The following RAD21 variants were observed in gnomAD, a reference collection of about 807,000 sequenced individuals.
RAD21 encodes the protein double-strand-break repair protein rad21 homolog.
In RAD21, 18 loss-of-function variants were observed where a neutral mutation model predicts 71.5. The observed-to-expected ratio is 0.25, with a 90% CI of 0.17 to 0.37. RAD21 has a LOEUF of 0.37. Ranked by LOEUF, RAD21 falls within the 10% of genes least tolerant of loss-of-function variation. The probability of loss-of-function intolerance (pLI) is 1.00; values close to 1 mark genes in which losing one functional copy is unlikely to be tolerated. For synonymous variants in RAD21, 248 were observed against 254.0 expected, an observed-to-expected ratio of 0.98 and a Z score of 0.22; for missense variants, 493 against 769.1, an observed-to-expected ratio of 0.64 and a Z score of 4.25.
intron 1 of RAD21, 133 bp from the exon 2 acceptor site, chr8:116,866,894 G>A: frequency 1.9e-6 from 1 of 518,068 alleles, no homozygotes; most frequent in Non-Finnish European, 3.0e-6. Context: ...TGTTTAATAT[G>A]TATTTTAAAA....
chr8:116,854,566 C>T, intron 8 of RAD21, 98 bp from the exon 9 acceptor site: 1 of 875,144 alleles, frequency 1.1e-6, no homozygotes, highest in Non-Finnish European at 1.8e-6. Flanking sequence ...TGCTTTTCTA[C>T]ACACAGACTC....
intron 9 of RAD21, 121 bp from the exon 10 acceptor site, chr8:116,852,829 C>T: frequency 1.5e-6 from 1 of 658,600 alleles, no homozygotes; most frequent in Non-Finnish European, 2.2e-6. Context: ...TTTAGCATGG[C>T]TTTTATCATA....
chr8:116,870,180 C>G (rs866689929), intron 1 of RAD21, among the ~76,000 whole-genome samples: 1 of 152,098 alleles, frequency 6.6e-6, no homozygotes, highest in Non-Finnish European at 1.5e-5. Flanking sequence ...AAAAACCAGG[C>G]TTTGTCAACT....
chr8:116,862,248 CA>C (rs1400830380), intron 3 of RAD21, among the ~76,000 whole-genome samples: 1 of 151,980 alleles, frequency 6.6e-6, no homozygotes, highest in Admixed American at 6.6e-5. Context: ...AGAATAACTG[CA>C]GAAGAGTACC....
At chr8:116,863,098 C>G (rs757030829) in intron 3 of RAD21, 32 bp downstream of exon 3, 1 of 1,577,998 alleles carries the variant, frequency 6.3e-7, no homozygotes, top group Non-Finnish European at 8.6e-7. Flanking sequence ...AAGTAAACAA[C>G]AACAACAAAA....
intron 7 of RAD21, 69 bp from the exon 8 acceptor site, chr8:116,856,357 G>A: frequency 7.4e-7 from 1 of 1,352,748 alleles, no homozygotes; most frequent in Non-Finnish European, 9.6e-7. Context: ...CCCACAAATG[G>A]GGAGGAGAAA....
Position 116,848,761 on chromosome 8 carries a change from T to TAAA in RAD21, c.1704+182_1704+184dup, listed in dbSNP as rs56668650. On this transcript the variant is annotated intron_variant, in intron 13 of 13. Coordinates refer to ENST00000297338, the MANE Select transcript of RAD21 (RefSeq NM_006265.3). Reference sequence around the variant, plus strand: ...TATTTAATTAAAACTTAAACTATAATAAAAAAAAAAAAGAAAAGAAAACTC... The same window carrying TAAA: ...TATTTAATTAAAACTTAAACTATAATAAAAAAAAAAAAAAAGAAAAGAAAACTC... 644 of 362,426 alleles carry TAAA rather than the reference T, an allele frequency of 1.8e-3. 1 individual carries two copies. Among genetic ancestry groups the TAAA allele is most frequent in the African/African-American group, 6.7e-3 (293 of 43,952 alleles). The allele number at this position is 362,426 out of a possible 1,614,324, so 22.5% of individuals were successfully genotyped here.
chr8:116,866,474 G>C (rs1812696700), intron 2 of RAD21, 112 bp downstream of exon 2: 3 of 889,094 alleles, frequency 3.4e-6, no homozygotes, highest in Non-Finnish European at 4.9e-6. Flanking sequence ...ACATTTCTAA[G>C]GATTTTCCTT....
At chr8:116,852,466 C>T in intron 10 of RAD21, 83 bp downstream of exon 10, 1 of 1,353,954 alleles carries the variant, frequency 7.4e-7, no homozygotes, top group Non-Finnish European at 1.0e-6. Flanking sequence ...TTCCTCATTT[C>T]TTTCACTCTG....
intron 7 of RAD21, among the ~76,000 whole-genome samples, 172 bp downstream of exon 7, chr8:116,856,474 G>A (rs1812469081): frequency 6.6e-6 from 1 of 152,042 alleles, no homozygotes; most frequent in Admixed American, 6.6e-5. Flanking sequence ...CAAAAAAATG[G>A]GGAGGGGTGC....
Position 116,847,144 on chromosome 8 carries a change from T to G in RAD21, c.*356A>C, listed in dbSNP as rs1375877360. On this transcript the variant is annotated 3_prime_UTR_variant, in exon 14 of 14. Transcript: ENST00000297338. ...CTGTCAGGCATTTTCTCAGACAGGT[T>G]TTCCTTTTCAATGCAGTAATGAAGA... is the stretch of plus-strand genomic sequence containing the variant. 8.0e-6 allele frequency: 2 copies of G among 249,098 alleles called. No homozygotes were observed. The highest frequency in any genetic ancestry group is 1.5e-5 in the Non-Finnish European group (2 of 129,104). 15.4% of individuals were successfully genotyped at this position (249,098 alleles called of 1,614,324 possible).
At chr8:116,864,681 G>A (rs1812657012) in intron 2 of RAD21, among the ~76,000 whole-genome samples, 1 of 152,042 alleles carries the variant, frequency 6.6e-6, no homozygotes, top group East Asian at 1.9e-4. Flanking sequence ...AAGAACAAAG[G>A]AGGGAAAAAA....
chr8:116,865,902 C>T (rs1021696526), intron 2 of RAD21, among the ~76,000 whole-genome samples: 2 of 152,176 alleles, frequency 1.3e-5, no homozygotes, highest in Admixed American at 6.5e-5. Flanking sequence ...CACCTCCCAT[C>T]GGTGTTTCAT....
At chr8:116,856,384 G>T in intron 7 of RAD21, 96 bp from the exon 8 acceptor site, 1 of 1,334,872 alleles carries the variant, frequency 7.5e-7, no homozygotes, top group South Asian at 1.8e-5. Flanking sequence ...TTCATGAAAT[G>T]GAAAGAAATC....
chr8:116,861,509 T>C (rs1812593716), intron 4 of RAD21, among the ~76,000 whole-genome samples: 1 of 151,438 alleles, frequency 6.6e-6, no homozygotes, highest in Non-Finnish European at 1.5e-5. Context: ...GACTTTAATA[T>C]ATAACTCTGA....
At chr8:116,859,068 T>C (rs1000410566) in intron 4 of RAD21, among the ~76,000 whole-genome samples, 14 of 147,488 alleles carry the variant, frequency 9.5e-5, no homozygotes, top group African/African-American at 3.3e-4. Context: ...ATGCAGTTTG[T>C]AGACTTTGTT....
In RAD21 at chr8:116,850,735, A is replaced by C. The variant is rs150935041; in HGVS notation, c.1503T>G (p.Pro501=). 55 of 1,612,870 alleles carry C rather than the reference A, an allele frequency of 3.4e-5. No individual in the cohort carries two copies. In the African/African-American group the frequency reaches 6.7e-4, roughly 20 times the overall value. The change falls in exon 12 of 14, where the codon CCT becomes CCG. Residue 501 remains proline, a synonymous_variant. Transcript: ENST00000297338. ...PQQVEQMEIP[P]VELPPEEPPN... ...GAGGTTCTTCTGGGGGAAGCTCTAC[A>C]GGTGGTATTTCCATCTGCTCTACCT...
chr8:116,869,540 G>A (rs1210295915), intron 1 of RAD21, among the ~76,000 whole-genome samples: 1 of 152,040 alleles, frequency 6.6e-6, no homozygotes, highest in African/African-American at 2.4e-5. Context: ...AGCTGAGATC[G>A]CGACACTGCA....
At chr8:116,863,363 T>G in intron 2 of RAD21, 104 bp from the exon 3 acceptor site, 1 of 1,258,174 alleles carries the variant, frequency 7.9e-7, no homozygotes, top group African/African-American at 1.5e-5. Flanking sequence ...CACATACATT[T>G]CTCTGTCCTT....
Sources: allele counts gnomAD v4.1 joint callset (sites outside exome capture counted in the v4.1 genomes callset), GRCh38; gene constraint gnomAD v4.1.1; transcripts MANE v1.5; gene names NCBI Gene and HGNC (gene_info 2026-07-23, HGNC 2026-07-21).